Variants in PPP4R4 observed in about 807,000 individuals in gnomAD.
PPP4R4 encodes protein phosphatase 4 regulatory subunit 4, also known as serine/threonine-protein phosphatase 4 regulatory subunit 4.
PPP4R4 carries 70 observed loss-of-function variants against 121.8 expected under a neutral mutation model. The ratio of observed to expected loss-of-function variants is 0.57; its 90% CI spans 0.47 to 0.70. The LOEUF (loss-of-function observed/expected upper bound fraction) is 0.70. Ranked by LOEUF, PPP4R4 falls within the 30% of genes least tolerant of loss-of-function variation. The pLI is 0.00. For synonymous variants in PPP4R4, 348 were observed against 355.7 expected, an observed-to-expected ratio of 0.98 and a Z score of 0.24; for missense variants, 875 against 1,033.6, an observed-to-expected ratio of 0.85 and a Z score of 2.10.
chr14:94,259,215 A>G, intron 18 of PPP4R4, 80 bp from the exon 19 acceptor site: 1 of 1,522,376 alleles, frequency 6.6e-7, no homozygotes, highest in South Asian at 1.3e-5. Flanking sequence ...AAACCATATC[A>G]TTTATATTGA....
At chr14:94,212,472 A>G (rs1468725364) in intron 3 of PPP4R4, among the ~76,000 whole-genome samples, 1 of 152,166 alleles carries the variant, frequency 6.6e-6, no homozygotes, top group Non-Finnish European at 1.5e-5. Flanking sequence ...TAAGTGGGCA[A>G]TGAATGGTAG....
At chr14:94,264,820 C>A in intron 19 of PPP4R4, 58 bp from the exon 20 acceptor site, 2 of 1,309,654 alleles carry the variant, frequency 1.5e-6, no homozygotes, top group East Asian at 2.4e-5. Flanking sequence ...TTTCTCAGAA[C>A]AATTTTCTAG....
intron 2 of PPP4R4, 76 bp downstream of exon 2, chr14:94,176,203 T>G: frequency 8.1e-7 from 1 of 1,234,856 alleles, no homozygotes; most frequent in Non-Finnish European, 1.2e-6. Flanking sequence ...CTAAAATGTA[T>G]GTTCGCGTTA....
At chr14:94,192,118 T>G (rs1889634896) in intron 2 of PPP4R4, among the ~76,000 whole-genome samples, 1 of 152,196 alleles carries the variant, frequency 6.6e-6, no homozygotes, top group African/African-American at 2.4e-5. Context: ...CTGTTACTCT[T>G]TCTTTGGTCC....
chr14:94,252,990 C>T (rs1053955983), intron 16 of PPP4R4, among the ~76,000 whole-genome samples: 3 of 152,164 alleles, frequency 2.0e-5, no homozygotes, highest in Non-Finnish European at 4.4e-5. Context: ...AAAAGTTCAA[C>T]TTAAGACTTT....
At chr14:94,174,802 G>C (rs1468890012) in intron 1 of PPP4R4, among the ~76,000 whole-genome samples, 5 of 151,792 alleles carry the variant, frequency 3.3e-5, no homozygotes, top group Non-Finnish European at 1.5e-5. Flanking sequence ...TCTCTAGTCT[G>C]GACCCCCATC....
In PPP4R4 at chr14:94,240,892, C is replaced by T. The variant is rs1273380052; in HGVS notation, c.976+97C>T. The T allele has an allele frequency of 5.9e-6, 8 of 1,344,710 alleles. No homozygotes were observed. The South Asian group carries it at 7.7e-5, about 13-fold the overall frequency. 83.3% of individuals were successfully genotyped at this position (1,344,710 alleles called of 1,614,324 possible). A position where few individuals can be genotyped will look rare whatever the true frequency, so the allele number is the denominator to read the frequency against. The stretch of plus-strand genomic sequence containing the variant: ...TTTGGCTCTTCAGTTAATTGTAAAG[C>T]CTAACTCTTAAGTATATAAAAATCT... On this transcript the variant is annotated intron_variant, in intron 9 of 24. Transcript: ENST00000304338.
intron 3 of PPP4R4, 67 bp from the exon 4 acceptor site, chr14:94,230,520 G>A: frequency 2.1e-6 from 3 of 1,441,142 alleles, no homozygotes; most frequent in Non-Finnish European, 2.8e-6. Context: ...TACAACCTTG[G>A]ATTTTTAAAA....
intron 2 of PPP4R4, among the ~76,000 whole-genome samples, chr14:94,182,310 A>T (rs1889037841): frequency 6.6e-6 from 1 of 152,196 alleles, no homozygotes; most frequent in Non-Finnish European, 1.5e-5. Flanking sequence ...AATGTGCACA[A>T]ATCATAATAC....
chr14:94,177,300 CATCATT>C (rs986680631), intron 2 of PPP4R4, among the ~76,000 whole-genome samples: 9 of 152,160 alleles, frequency 5.9e-5, no homozygotes, highest in African/African-American at 2.2e-4. Context: ...AGCATGCTCT[CATCATT>C]TCTATTTACT....
rs771052209 is a variant in PPP4R4, at chr14:94,234,669, G to T, written c.731G>T (p.Gly244Val). The T allele has an allele frequency of 6.4e-7, 1 of 1,561,480 alleles. No homozygotes were observed. Among genetic ancestry groups the T allele is most frequent in the Admixed American group, 1.7e-5 (1 of 59,658 alleles). The change falls in exon 7 of 25, where the codon GGG becomes GTG. Residue 244 changes from glycine to valine, a missense_variant and splice_region_variant. Gly to Val is a moderately radical substitution (Grantham distance 109). Transcript: ENST00000304338. Reference protein sequence around the residue: ...RQLENIAQGIGTELTKSVVLP... With the variant: ...RQLENIAQGIVTELTKSVVLP... ...TTAGAAAATATAGCCCAGGGCATTG[G>T]GTAGGTATACTTTGAATTCCTTATG...
intron 24 of PPP4R4, among the ~76,000 whole-genome samples, chr14:94,278,390 T>G (rs1044916366): frequency 3.9e-5 from 6 of 152,276 alleles, no homozygotes; most frequent in Non-Finnish European, 8.8e-5. Context: ...ATACACAGAA[T>G]TTTTGGTAAT....
chr14:94,242,756 T>G (rs1892699457), intron 11 of PPP4R4, among the ~76,000 whole-genome samples: 1 of 152,184 alleles, frequency 6.6e-6, no homozygotes, highest in African/African-American at 2.4e-5. Context: ...GCACCTAAAC[T>G]TAAGCACTTG....
intron 17 of PPP4R4, 71 bp from the exon 18 acceptor site, chr14:94,258,712 T>G: frequency 8.6e-7 from 1 of 1,167,766 alleles, no homozygotes; most frequent in East Asian, 2.5e-5. Flanking sequence ...ATTTGCAAAA[T>G]AAGTTGCTGA....
intron 17 of PPP4R4, among the ~76,000 whole-genome samples, chr14:94,257,851 A>G (rs1484155904): frequency 6.6e-6 from 1 of 152,152 alleles, no homozygotes; most frequent in East Asian, 1.9e-4. Flanking sequence ...CAGTGATGTA[A>G]TAAAATTAAT....
intron 19 of PPP4R4, among the ~76,000 whole-genome samples, chr14:94,261,307 G>A (rs960721157): frequency 2.6e-5 from 4 of 151,830 alleles, no homozygotes; most frequent in Admixed American, 6.6e-5. Flanking sequence ...TTATTTCTAC[G>A]TATTTTATGT....
At chr14:94,236,429 A>G (rs1203055490) in intron 7 of PPP4R4, among the ~76,000 whole-genome samples, 5 of 152,196 alleles carry the variant, frequency 3.3e-5, no homozygotes, top group African/African-American at 1.2e-4. Flanking sequence ...GATTTGTTCT[A>G]TCACATTTTA....
Position 94,266,788 on chromosome 14 carries a change from G to A in PPP4R4, c.2379-171G>A, listed in dbSNP as rs376020001. Among the ~76,000 whole-genome samples the A allele has an allele frequency of 1.4e-3, 210 of 152,232 alleles. 8 individuals carry two copies. In the South Asian group the frequency reaches 0.042, roughly 30 times the overall value. On this transcript the variant is annotated intron_variant, in intron 22 of 24. Coordinates refer to ENST00000304338, the MANE Select transcript of PPP4R4 (RefSeq NM_058237.2). ...AAGGAAATGCTTTCAAGTTATAGAC[G>A]AAGTAAGTGTTGTGAGGCATGAATA...
At chr14:94,252,935 CTT>C (rs1479711214) in intron 16 of PPP4R4, among the ~76,000 whole-genome samples, 1 of 152,056 alleles carries the variant, frequency 6.6e-6, no homozygotes, top group Non-Finnish European at 1.5e-5. Context: ...GATTAATAGT[CTT>C]GGTGTTGAGA....
Sources: gnomAD v4.1 joint callset for allele counts (sites outside exome capture counted in the v4.1 genomes callset) on GRCh38, gnomAD v4.1.1 for gene constraint, MANE v1.5 for transcripts, NCBI Gene and HGNC (gene_info 2026-07-23, HGNC 2026-07-21) for gene names.